CEP83: variants seen among roughly 807,000 people sequenced by gnomAD.
CEP83 encodes the protein centrosomal protein 83, also known as centrosomal protein of 83 kDa.
CEP83 carries 70 observed loss-of-function variants against 101.9 expected under a neutral mutation model. The ratio of observed to expected loss-of-function variants is 0.69; its 90% CI spans 0.57 to 0.84. CEP83 has a LOEUF of 0.84. Among genes scored for constraint, CEP83 ranks in the 40% least tolerant of loss-of-function variants. CEP83 has a pLI of 0.00. For synonymous variants in CEP83, 264 were observed against 267.9 expected (o/e 0.99, Z 0.14); for missense variants, 715 against 787.2 (o/e 0.91, Z 1.10).
chr12:94,270,909 G>A, the CEP83 span, among the ~76,000 whole-genome samples: 1 of 152,082 alleles, frequency 6.6e-6, no homozygotes, highest in South Asian at 2.1e-4. Flanking sequence ...GAGTGAAGAG[G>A]GGAGGCTGGA....
At chr12:94,277,560 G>A in the CEP83 span, among the ~76,000 whole-genome samples, 1 of 152,164 alleles carries the variant, frequency 6.6e-6, no homozygotes, top group African/African-American at 2.4e-5. Flanking sequence ...TTACACAGCT[G>A]GTTAGGGATG....
chr12:94,357,174 T>G (rs2060518366), intron 11 of CEP83, among the ~76,000 whole-genome samples: 1 of 152,224 alleles, frequency 6.6e-6, no homozygotes, highest in Non-Finnish European at 1.5e-5. Context: ...CAGGCTGCTC[T>G]GTGACCTATC....
At chr12:94,358,854 G>A (rs1344175802) in intron 11 of CEP83, among the ~76,000 whole-genome samples, 4 of 152,134 alleles carry the variant, frequency 2.6e-5, no homozygotes, top group Non-Finnish European at 5.9e-5. Context: ...CCATAAACTG[G>A]CCCCAAAACT....
intron 11 of CEP83, among the ~76,000 whole-genome samples, chr12:94,353,734 A>G (rs74238539): frequency 4.0e-4 from 34 of 85,316 alleles, no homozygotes; most frequent in Non-Finnish European, 5.5e-4. Context: ...AAGTGGGGGA[A>G]AAAAAAAAAA....
chr12:94,354,069 T>C (rs910462078), intron 11 of CEP83, among the ~76,000 whole-genome samples: 1 of 152,210 alleles, frequency 6.6e-6, no homozygotes, highest in Non-Finnish European at 1.5e-5. Context: ...CCCCACTCTC[T>C]GCATTAGAGA....
intron 1 of CEP83, among the ~76,000 whole-genome samples, chr12:94,456,701 G>C (rs1045582339): frequency 6.6e-6 from 1 of 152,128 alleles, no homozygotes; most frequent in African/African-American, 2.4e-5. Flanking sequence ...GGGGGAAACC[G>C]CCGCCATGAT....
chr12:94,303,731 G>C (rs200311617), downstream of CEP83: 186 of 1,113,772 alleles, frequency 1.7e-4, no homozygotes, highest in African/African-American at 1.1e-3. Flanking sequence ...GGTGATGGTT[G>C]CTTTTTTTTT....
intron 6 of CEP83, among the ~76,000 whole-genome samples, chr12:94,383,394 G>A (rs2061958542): frequency 1.3e-5 from 2 of 151,868 alleles, no homozygotes; most frequent in Admixed American, 6.6e-5. Flanking sequence ...GACTTATGAT[G>A]GTTCAAGTTA....
At chr12:94,410,332 C>T (rs1471139869) in intron 4 of CEP83, among the ~76,000 whole-genome samples, 1 of 152,152 alleles carries the variant, frequency 6.6e-6, no homozygotes, top group Admixed American at 6.5e-5. Flanking sequence ...GTCCTCACAA[C>T]TCTTGTTAAG....
chr12:94,356,455 GAAA>G (rs1004856206), intron 11 of CEP83, among the ~76,000 whole-genome samples: 1 of 152,170 alleles, frequency 6.6e-6, no homozygotes, highest in African/African-American at 2.4e-5. Context: ...GACACTGGGT[GAAA>G]AATAGCTGCC....
At chr12:94,344,895 G>A (rs2059858818) in intron 11 of CEP83, among the ~76,000 whole-genome samples, 1 of 152,122 alleles carries the variant, frequency 6.6e-6, no homozygotes. Flanking sequence ...CCAGGTAGAG[G>A]ACGTGCACTA....
At chr12:94,405,378 T>C (rs1308112245) in intron 4 of CEP83, among the ~76,000 whole-genome samples, 2 of 152,186 alleles carry the variant, frequency 1.3e-5, no homozygotes, top group Non-Finnish European at 2.9e-5. Context: ...AATTATTTGT[T>C]GAAAGAATAT....
At chr12:94,380,695 A>AC (rs1159314527) in intron 6 of CEP83, among the ~76,000 whole-genome samples, 3 of 152,146 alleles carry the variant, frequency 2.0e-5, no homozygotes, top group African/African-American at 7.2e-5. Context: ...AAGTTCAGAC[A>AC]ATGGTGCCCT....
intron 8 of CEP83, among the ~76,000 whole-genome samples, chr12:94,373,737 A>G (rs984743202): frequency 1.3e-5 from 2 of 152,206 alleles, no homozygotes; most frequent in African/African-American, 4.8e-5. Context: ...TCACACTGAC[A>G]TAACTTTGTT....
intron 1 of CEP83, among the ~76,000 whole-genome samples, chr12:94,449,572 A>T (rs1342213897): frequency 6.6e-6 from 1 of 151,140 alleles, no homozygotes; most frequent in African/African-American, 2.4e-5. Flanking sequence ...CCCAGGCAAC[A>T]TGGCAAAACC....
intron 9 of CEP83, 152 bp downstream of exon 9, chr12:94,369,770 A>T (rs939266074): frequency 1.9e-6 from 1 of 520,096 alleles, no homozygotes; most frequent in Admixed American, 3.6e-5. Context: ...AAAACACTCA[A>T]CATATAATAA....
chr12:94,372,695 T>A (rs1439173566), intron 8 of CEP83, among the ~76,000 whole-genome samples: 1 of 152,194 alleles, frequency 6.6e-6, no homozygotes, highest in East Asian at 1.9e-4. Context: ...TGAGACGACA[T>A]TTTTAACTAA....
the CEP83 span, among the ~76,000 whole-genome samples, chr12:94,296,954 A>G: frequency 6.6e-6 from 1 of 152,200 alleles, no homozygotes; most frequent in South Asian, 2.1e-4. Flanking sequence ...GCAAGAGATC[A>G]GAGATCACTA....
At chr12:94,274,155 T>TAAAAAAAAAAAAAAAAAA in the CEP83 span, among the ~76,000 whole-genome samples, 6 of 45,370 alleles carry the variant, frequency 1.3e-4, no homozygotes, top group African/African-American at 5.9e-4. Context: ...ACCCTGTCTC[T>TAAAAAAAAAAAAAAAAAA]AAAAAAAAAA....
Sources: gnomAD v4.1 joint callset for allele counts (sites outside exome capture counted in the v4.1 genomes callset) on GRCh38, gnomAD v4.1.1 for gene constraint, MANE v1.5 for transcripts, NCBI Gene and HGNC (gene_info 2026-07-23, HGNC 2026-07-21) for gene names.